Variants in PABPC4L observed in about 807,000 individuals in gnomAD.
PABPC4L encodes poly(A) binding protein cytoplasmic 4 like.
For synonymous variants in PABPC4L, 169 were observed against 164.1 expected, an observed-to-expected ratio of 1.03 and a Z score of -0.23; for missense variants, 452 against 451.4, an observed-to-expected ratio of 1.00 and a Z score of -0.01.
the PABPC4L span, among the ~76,000 whole-genome samples, chr4:134,170,460 G>T: frequency 6.6e-6 from 1 of 152,052 alleles, no homozygotes. Flanking sequence ...AAGAAAATAG[G>T]TTTAATTGCC....
chr4:134,089,113 A>G, the PABPC4L span, among the ~76,000 whole-genome samples: 1 of 152,144 alleles, frequency 6.6e-6, no homozygotes, highest in African/African-American at 2.4e-5. Context: ...AGTTTCAGCA[A>G]CTGCTGATTG....
At chr4:134,004,919 A>G in the PABPC4L span, among the ~76,000 whole-genome samples, 1 of 151,852 alleles carries the variant, frequency 6.6e-6, no homozygotes, top group Admixed American at 6.6e-5. Context: ...AAATCATAGA[A>G]CCAGAAAGTA....
the PABPC4L span, among the ~76,000 whole-genome samples, chr4:134,120,585 T>TA: frequency 6.6e-6 from 1 of 151,120 alleles, no homozygotes; most frequent in South Asian, 2.1e-4. Context: ...GTCTTTATTA[T>TA]AACATCATTT....
At chr4:133,966,190 C>T in the PABPC4L span, among the ~76,000 whole-genome samples, 44,786 of 151,932 alleles carry the variant, frequency 0.29, 9,937 homozygotes, top group African/African-American at 0.59. Context: ...ATACAAATGG[C>T]CAACGAACAT....
chr4:134,177,173 T>G, the PABPC4L span, among the ~76,000 whole-genome samples: 43 of 137,602 alleles, frequency 3.1e-4, no homozygotes, highest in African/African-American at 1.2e-3. Context: ...CCATCCCTTT[T>G]TTCTTTTCTT....
the PABPC4L span, among the ~76,000 whole-genome samples, chr4:134,140,254 T>C: frequency 6.6e-6 from 1 of 151,796 alleles, no homozygotes; most frequent in Non-Finnish European, 1.5e-5. Flanking sequence ...AGTAACTATA[T>C]AAGATGATGG....
chr4:134,124,297 T>C, the PABPC4L span, among the ~76,000 whole-genome samples: 133 of 152,182 alleles, frequency 8.7e-4, no homozygotes, highest in African/African-American at 3.1e-3. Flanking sequence ...CTGCCTGCTA[T>C]ACTTGGAAGT....
chr4:134,116,806 A>C, the PABPC4L span, among the ~76,000 whole-genome samples: 1 of 151,766 alleles, frequency 6.6e-6, no homozygotes, highest in African/African-American at 2.4e-5. Context: ...AAATTTCAAT[A>C]GTTTTCCAGT....
At chr4:134,183,577 T>C in the PABPC4L span, among the ~76,000 whole-genome samples, 3 of 151,726 alleles carry the variant, frequency 2.0e-5, no homozygotes, top group East Asian at 5.8e-4. Flanking sequence ...AATTTACCTA[T>C]ATATGTACCT....
the PABPC4L span, among the ~76,000 whole-genome samples, chr4:134,031,495 T>C: frequency 1.3e-5 from 2 of 152,004 alleles, no homozygotes; most frequent in Non-Finnish European, 1.5e-5. Context: ...TCTTTGAGAC[T>C]CTTGTGGCTC....
the PABPC4L span, among the ~76,000 whole-genome samples, chr4:134,144,585 A>G: frequency 6.6e-6 from 1 of 151,412 alleles, no homozygotes; most frequent in Non-Finnish European, 1.5e-5. Context: ...AGGTTAAAAA[A>G]AAAAAAAAAA....
chr4:133,985,332 C>G, the PABPC4L span, among the ~76,000 whole-genome samples: 3 of 151,860 alleles, frequency 2.0e-5, no homozygotes, highest in Non-Finnish European at 4.4e-5. Context: ...TTCAGAAGTA[C>G]CTATTTAATT....
At position 134,200,701 on chromosome 4, in the gene PABPC4L, T is replaced by G. The variant is rs1729835295; in HGVS notation, c.319A>C (p.Lys107Gln). Residue 107 changes from lysine to glutamine, a missense_variant, in exon 2 of 2, where the codon AAA (lysine) becomes CAA (glutamine). Coordinates refer to ENST00000421491, the MANE Select transcript of PABPC4L (RefSeq NM_001114734.2). ...TAAAGGGTTTTGTTATCGATAGATT[T>G]GTCCAGATTCTTGATGAATACGTTC... ...IGNVFIKNLDKSIDNKTLYEH... is the reference protein window; with the variant it reads ...IGNVFIKNLDQSIDNKTLYEH... The G allele has an allele frequency of 6.4e-7, 1 of 1,551,554 alleles. No individual in the cohort carries two copies. Among genetic ancestry groups the G allele is most frequent in the Admixed American group, 2.0e-5 (1 of 50,970 alleles).
At chr4:134,015,582 C>T in the PABPC4L span, among the ~76,000 whole-genome samples, 18 of 152,238 alleles carry the variant, frequency 1.2e-4, no homozygotes, top group East Asian at 2.9e-3. Context: ...ATTTCATCCT[C>T]ATCTGTTACC....
At chr4:133,987,611 A>T in the PABPC4L span, among the ~76,000 whole-genome samples, 4 of 152,184 alleles carry the variant, frequency 2.6e-5, no homozygotes, top group Non-Finnish European at 5.9e-5. Flanking sequence ...ATTTTGTGGG[A>T]TCTAAATTTA....
chr4:134,051,545 CA>C, the PABPC4L span, among the ~76,000 whole-genome samples: 1 of 152,190 alleles, frequency 6.6e-6, no homozygotes, highest in Middle Eastern at 3.4e-3. Context: ...AGTCAAAACA[CA>C]TTTAGATACC....
the PABPC4L span, among the ~76,000 whole-genome samples, chr4:134,037,015 C>T: frequency 3.3e-5 from 5 of 150,406 alleles, no homozygotes; most frequent in Non-Finnish European, 4.4e-5. Flanking sequence ...GAGATCATGC[C>T]ATTGCACTCC....
the PABPC4L span, among the ~76,000 whole-genome samples, chr4:134,133,975 T>C: frequency 6.6e-6 from 1 of 152,010 alleles, no homozygotes; most frequent in African/African-American, 2.4e-5. Flanking sequence ...GAGATGCTAT[T>C]CTCAATTTTT....
the PABPC4L span, among the ~76,000 whole-genome samples, chr4:134,141,888 C>A: frequency 6.6e-6 from 1 of 151,622 alleles, no homozygotes; most frequent in East Asian, 1.9e-4. Context: ...ATAAAAAAAT[C>A]TCATAAATGC....
Sources: gnomAD v4.1 joint callset for allele counts (sites outside exome capture counted in the v4.1 genomes callset) on GRCh38, gnomAD v4.1.1 for gene constraint, MANE v1.5 for transcripts, NCBI Gene and HGNC (gene_info 2026-07-23, HGNC 2026-07-21) for gene names.